The following RBFOX1 variants were observed in gnomAD, a reference collection of about 807,000 sequenced individuals.
RBFOX1 encodes RNA binding protein fox-1 homolog 1.
Under a neutral mutation model 57.7 loss-of-function variants are expected in RBFOX1, and 8 were observed. That is an observed-to-expected ratio of 0.14 (90% CI 0.08 to 0.25). RBFOX1 has a LOEUF of 0.25. RBFOX1 is among the 10% of genes least tolerant of loss of function. The pLI is 1.00. For synonymous variants in RBFOX1, 326 were observed against 222.4 expected (o/e 1.47, Z -4.15); for missense variants, 611 against 548.5 (o/e 1.11, Z -1.14).
chr16:7,550,236 G>C (rs1441159479), intron 5 of RBFOX1, among the ~76,000 whole-genome samples: 2 of 142,806 alleles, frequency 1.4e-5, no homozygotes, highest in Admixed American at 7.2e-5. Context: ...TCTCCTGAGT[G>C]AGTTCCTCCA....
chr16:6,844,466 G>A (rs546160753), intron 3 of RBFOX1, among the ~76,000 whole-genome samples: 3 of 152,148 alleles, frequency 2.0e-5, no homozygotes, highest in East Asian at 1.9e-4. Context: ...CTGTTCCTGC[G>A]TTAGTTATCT....
At chr16:6,551,306 G>A (rs896576279) in intron 2 of RBFOX1, among the ~76,000 whole-genome samples, 2 of 152,166 alleles carry the variant, frequency 1.3e-5, no homozygotes, top group African/African-American at 4.8e-5. Context: ...TTGCTACTGG[G>A]ATGGTCTAGT....
chr16:7,357,622 C>G (rs763617997), intron 4 of RBFOX1, among the ~76,000 whole-genome samples: 1 of 152,290 alleles, frequency 6.6e-6, no homozygotes, highest in East Asian at 1.9e-4. Flanking sequence ...GGACTCTGAA[C>G]TGAGCCTTGT....
chr16:6,803,875 A>G (rs998421686), intron 3 of RBFOX1, among the ~76,000 whole-genome samples: 5 of 152,180 alleles, frequency 3.3e-5, no homozygotes, highest in Non-Finnish European at 1.5e-5. Context: ...ACCATGCTGT[A>G]AGCTGCAGAG....
chr16:5,700,810 A>G (rs577399171), intron 3 of RBFOX1, among the ~76,000 whole-genome samples: 2 of 152,076 alleles, frequency 1.3e-5, no homozygotes, highest in Non-Finnish European at 2.9e-5. Context: ...TATCCTTCCT[A>G]TGATCTCAAT....
At chr16:6,665,074 A>G (rs2098723458) in intron 3 of RBFOX1, among the ~76,000 whole-genome samples, 1 of 152,200 alleles carries the variant, frequency 6.6e-6, no homozygotes, top group South Asian at 2.1e-4. Flanking sequence ...GTAAAGTGGG[A>G]CTGTCTTCAG....
chr16:6,930,910 C>A (rs1180452580), intron 3 of RBFOX1, among the ~76,000 whole-genome samples: 1 of 151,872 alleles, frequency 6.6e-6, no homozygotes, highest in Non-Finnish European at 1.5e-5. Flanking sequence ...ATAGCCGAGT[C>A]TTCTGTGTAT....
intron 15 of RBFOX1, chr16:7,709,901 G>C (rs1470174234): frequency 1.9e-6 from 2 of 1,068,496 alleles, no homozygotes; most frequent in Non-Finnish European, 1.1e-6. Flanking sequence ...TTGGCATGCA[G>C]TTTTCTGCTT....
chr16:7,226,290 A>C (rs182836335), intron 4 of RBFOX1, among the ~76,000 whole-genome samples: 1 of 152,322 alleles, frequency 6.6e-6, no homozygotes, highest in African/African-American at 2.4e-5. Flanking sequence ...CATGAACTAC[A>C]AGCTACGGAG....
intron 4 of RBFOX1, among the ~76,000 whole-genome samples, chr16:7,312,615 C>G (rs575752811): frequency 4.5e-4 from 69 of 152,244 alleles, no homozygotes; most frequent in Non-Finnish European, 8.7e-4. Flanking sequence ...AGTGAGCTGT[C>G]ATTCCTGCTT....
intron 1 of RBFOX1, among the ~76,000 whole-genome samples, chr16:5,355,006 T>C (rs1191357726): frequency 1.2e-5 from 1 of 80,324 alleles, no homozygotes; most frequent in Non-Finnish European, 3.5e-5. Context: ...TGTATGTGTA[T>C]ATGAGAGAGA....
intron 4 of RBFOX1, among the ~76,000 whole-genome samples, chr16:7,192,460 C>A (rs562460720): frequency 6.6e-6 from 1 of 152,096 alleles, no homozygotes; most frequent in Non-Finnish European, 1.5e-5. Flanking sequence ...GATTATAATA[C>A]GTGGAATGTA....
chr16:6,981,644 T>C (rs572560529), intron 3 of RBFOX1, among the ~76,000 whole-genome samples: 1 of 152,306 alleles, frequency 6.6e-6, no homozygotes, highest in African/African-American at 2.4e-5. Flanking sequence ...TCTTACATAG[T>C]GGCAAGCCAG....
At position 7,000,821 on chromosome 16, in the gene RBFOX1, C is replaced by G. The variant is rs1216595560; in HGVS notation, c.-15-51236C>G. 9.2e-5 allele frequency among the ~76,000 whole-genome samples: 14 copies of G among 152,090 alleles called. No homozygotes were observed. In the East Asian group the frequency reaches 2.5e-3, roughly 27 times the overall value. ...GTTTCACTGTGTTAGCCAGGATGCT[C>G]TCGATCTCCTGACCTTGTGATCCGC... On this transcript the variant is annotated intron_variant, in intron 3 of 15. Coordinates refer to ENST00000550418, the MANE Select transcript of RBFOX1 (RefSeq NM_018723.4).
intron 4 of RBFOX1, among the ~76,000 whole-genome samples, chr16:7,225,919 T>TGTATATATATATATATATATATAA (rs2093078461): frequency 1.1e-4 from 16 of 142,156 alleles, no homozygotes; most frequent in African/African-American, 4.3e-4. Context: ...TATATATATA[T>TGTATATATATATATATATATATAA]AAATGTGAAT....
intron 1 of RBFOX1, among the ~76,000 whole-genome samples, chr16:6,028,334 TA>T (rs2095235583): frequency 1.3e-5 from 2 of 151,930 alleles, no homozygotes; most frequent in Admixed American, 1.3e-4. Flanking sequence ...GAAAGTGCAG[TA>T]GTTTCCTTGA....
At chr16:7,666,246 A>G (rs1013559578) in intron 13 of RBFOX1, among the ~76,000 whole-genome samples, 1 of 152,124 alleles carries the variant, frequency 6.6e-6, no homozygotes, top group Non-Finnish European at 1.5e-5. Context: ...TGGGTAGATT[A>G]TTGCAGATGG....
chr16:6,381,195 G>C (rs1301887652), intron 2 of RBFOX1, among the ~76,000 whole-genome samples: 9 of 152,142 alleles, frequency 5.9e-5, no homozygotes, highest in Non-Finnish European at 1.2e-4. Flanking sequence ...TATTTTTATA[G>C]ATTTAAGATG....
chr16:7,109,173 A>T (rs1199713117), intron 4 of RBFOX1, among the ~76,000 whole-genome samples: 1 of 152,214 alleles, frequency 6.6e-6, no homozygotes, highest in Non-Finnish European at 1.5e-5. Context: ...TGGAAAGCTA[A>T]TCTTAAAAGT....
Sources: gnomAD v4.1 joint callset for allele counts (sites outside exome capture counted in the v4.1 genomes callset) on GRCh38, gnomAD v4.1.1 for gene constraint, MANE v1.5 for transcripts, NCBI Gene and HGNC (gene_info 2026-07-23, HGNC 2026-07-21) for gene names.